Variants in STXBP5 observed in about 807,000 individuals in gnomAD.
STXBP5 encodes syntaxin binding protein 5.
In STXBP5, 50 loss-of-function variants were observed where a neutral mutation model predicts 152.4. The ratio of observed to expected loss-of-function variants is 0.33; its 90% CI spans 0.26 to 0.42. The LOEUF (loss-of-function observed/expected upper bound fraction) is 0.42, where lower values mean the gene tolerates loss of function less well. Ranked by LOEUF, STXBP5 falls within the 10% of genes least tolerant of loss-of-function variation. STXBP5 has a pLI of 1.00. For synonymous variants in STXBP5, 492 were observed against 494.7 expected (o/e 0.99, Z 0.07); for missense variants, 1,167 against 1,388.6 (o/e 0.84, Z 2.54).
Position 147,235,187 on chromosome 6 carries a change from A to G in STXBP5, c.249-63A>G, listed in dbSNP as rs532030564. The G allele has an allele frequency of 1.1e-4, 155 of 1,397,994 alleles. No homozygotes were observed. The African/African-American group carries it at 1.7e-3, about 15-fold the overall frequency. The allele number at this position is 1,397,994 out of a possible 1,614,324, so 86.6% of individuals were successfully genotyped here. ...ATTGGAATATTTATCAGCCTATTAT[A>G]TAACTTACCAGTTTCTCAAAACCGA... On this transcript the variant is annotated intron_variant, in intron 2 of 27. Transcript: ENST00000321680.
intron 9 of STXBP5, among the ~76,000 whole-genome samples, chr6:147,302,050 G>A (rs1781846711): frequency 6.6e-6 from 1 of 152,028 alleles, no homozygotes; most frequent in African/African-American, 2.4e-5. Flanking sequence ...GCCCAAGATT[G>A]GACTTATCCA....
At chr6:147,359,007 C>A in intron 22 of STXBP5, 77 bp from the exon 23 acceptor site, 1 of 1,516,888 alleles carries the variant, frequency 6.6e-7, no homozygotes, top group Non-Finnish European at 8.9e-7. Context: ...ACTATTTGAC[C>A]AAATTTATAT....
chr6:147,298,987 T>C (rs1400717352), intron 9 of STXBP5, among the ~76,000 whole-genome samples: 1 of 151,676 alleles, frequency 6.6e-6, no homozygotes, highest in Non-Finnish European at 1.5e-5. Context: ...AGCCAAAATA[T>C]ACAAAATAGA....
At chr6:147,305,657 G>A (rs904224021) in intron 9 of STXBP5, among the ~76,000 whole-genome samples, 1 of 152,112 alleles carries the variant, frequency 6.6e-6, no homozygotes, top group Non-Finnish European at 1.5e-5. Flanking sequence ...GGTATTAATA[G>A]TTTATGTTTG....
At chr6:147,311,366 A>G in intron 10 of STXBP5, 89 bp from the exon 11 acceptor site, 3 of 1,093,054 alleles carry the variant, frequency 2.7e-6, no homozygotes, top group Non-Finnish European at 4.1e-6. Flanking sequence ...AAGAGAATGA[A>G]ACTAAATAAA....
rs745755699 is a variant in STXBP5, at chr6:147,206,033, C to A, written c.213C>A (p.Ile71=). 3.9e-5 allele frequency: 63 copies of A among 1,614,032 alleles called. No individual in the cohort carries two copies. The highest frequency in any genetic ancestry group is 5.3e-5 in the Non-Finnish European group (62 of 1,180,016). ...TGGCCTTTGATCCTGTACAGAAGAT[C>A]CTGGCAGTGGGAACTCAGACTGGTG... ...SALAFDPVQK[I]LAVGTQTGAL... Residue 71 remains isoleucine (I), a synonymous_variant, in exon 2 of 28, where the codon ATC becomes ATA. Coordinates refer to ENST00000321680, the MANE Select transcript of STXBP5 (RefSeq NM_001127715.4).
intron 4 of STXBP5, among the ~76,000 whole-genome samples, chr6:147,241,856 T>C (rs539785500): frequency 6.6e-6 from 1 of 152,204 alleles, no homozygotes; most frequent in South Asian, 2.1e-4. Flanking sequence ...TCTAAAAGTA[T>C]AGCACATATA....
intron 2 of STXBP5, among the ~76,000 whole-genome samples, chr6:147,231,983 G>A (rs1412999833): frequency 2.0e-5 from 3 of 151,846 alleles, no homozygotes; most frequent in African/African-American, 7.2e-5. Flanking sequence ...GGAACATTTA[G>A]TTCTAGCCAA....
At position 147,282,103 on chromosome 6, in the gene STXBP5, A is replaced by C. The variant is rs1288933898; in HGVS notation, c.838+3899A>C. ...AATTACCCGGAAATTATGATGTGCT[A>C]TTCATATATGGCTCTAGGAAGTGTA... is the stretch of plus-strand genomic sequence containing the variant. On this transcript the variant is annotated intron_variant, in intron 8 of 27. Coordinates refer to ENST00000321680, the MANE Select transcript of STXBP5 (RefSeq NM_001127715.4). Among the ~76,000 whole-genome samples, 4 of 152,182 alleles carry C rather than the reference A, an allele frequency of 2.6e-5. No homozygotes were observed. The East Asian group carries it at 7.7e-4, about 29-fold the overall frequency.
chr6:147,247,336 A>G (rs776103492), intron 4 of STXBP5, among the ~76,000 whole-genome samples: 2 of 152,234 alleles, frequency 1.3e-5, no homozygotes, highest in African/African-American at 2.4e-5. Flanking sequence ...ATTAAGGACT[A>G]GAACATAGGC....
chr6:147,284,142 G>A (rs927673345), intron 8 of STXBP5, among the ~76,000 whole-genome samples: 1 of 152,072 alleles, frequency 6.6e-6, no homozygotes, highest in Non-Finnish European at 1.5e-5. Context: ...AATCTAGTGT[G>A]TATTTAGCAC....
rs147614371 is a variant in STXBP5, at chr6:147,262,122, A to G, written c.567-168A>G. ...AGTCACCACTTCTTCCCTGATCCCT[A>G]TTTTGATCCATATTAAGAACTATAT... is the stretch of plus-strand genomic sequence containing the variant. On this transcript the variant is annotated intron_variant, in intron 5 of 27. Coordinates refer to ENST00000321680, the MANE Select transcript of STXBP5 (RefSeq NM_001127715.4). Among the ~76,000 whole-genome samples, 144 of 152,002 alleles carry G rather than the reference A, an allele frequency of 9.5e-4. 1 individual carries two copies. Among genetic ancestry groups the G allele is most frequent in the East Asian group, 1.9e-3 (10 of 5,182 alleles).
At chr6:147,306,169 G>T (rs1001733265) in intron 9 of STXBP5, among the ~76,000 whole-genome samples, 1 of 152,208 alleles carries the variant, frequency 6.6e-6, no homozygotes, top group African/African-American at 2.4e-5. Context: ...AGTCCATTAA[G>T]TCTGGTGAGG....
intron 9 of STXBP5, among the ~76,000 whole-genome samples, chr6:147,293,661 G>GGT (rs1365502898): frequency 6.6e-6 from 1 of 152,180 alleles, no homozygotes; most frequent in Non-Finnish European, 1.5e-5. Context: ...AATAATTTGA[G>GGT]GTGGATTCCC....
At chr6:147,263,417 C>A (rs1356516397) in intron 6 of STXBP5, among the ~76,000 whole-genome samples, 2 of 149,110 alleles carry the variant, frequency 1.3e-5, no homozygotes, top group Admixed American at 6.7e-5. Context: ...GTCTTAAACA[C>A]CTGGGCTCAA....
At chr6:147,379,315 T>C (rs1050925125) in intron 26 of STXBP5, among the ~76,000 whole-genome samples, 25 of 152,128 alleles carry the variant, frequency 1.6e-4, no homozygotes, top group Non-Finnish European at 1.3e-4. Context: ...ACCCATAGTA[T>C]TTCTTTTAAT....
At chr6:147,211,752 T>A (rs537671914) in intron 2 of STXBP5, among the ~76,000 whole-genome samples, 1 of 152,240 alleles carries the variant, frequency 6.6e-6, no homozygotes, top group African/African-American at 2.4e-5. Flanking sequence ...ACTATTTTGT[T>A]TTATTTTTGG....
At position 147,291,745 on chromosome 6, in the gene STXBP5, T is replaced by C. The variant is rs570507080; in HGVS notation, c.917+573T>C. ...GTGTCAAATGTTAGATTAAAAAATA[T>C]AAAGAAAAAAACATAAAATATCTGT... On this transcript the variant is annotated intron_variant, in intron 9 of 27. Transcript: ENST00000321680. Among the ~76,000 whole-genome samples the C allele has an allele frequency of 9.2e-5, 14 of 152,162 alleles. No individual in the cohort carries two copies. The South Asian group carries it at 2.7e-3, about 29-fold the overall frequency.
chr6:147,333,400 T>A (rs1783676628), intron 18 of STXBP5, among the ~76,000 whole-genome samples: 1 of 152,150 alleles, frequency 6.6e-6, no homozygotes, highest in Non-Finnish European at 1.5e-5. Flanking sequence ...GGGGCGCACC[T>A]GTAGTCCCAG....
Sources: gnomAD v4.1 joint callset for allele counts (sites outside exome capture counted in the v4.1 genomes callset) on GRCh38, gnomAD v4.1.1 for gene constraint, MANE v1.5 for transcripts, NCBI Gene and HGNC (gene_info 2026-07-23, HGNC 2026-07-21) for gene names.